PERCC1: variants seen among roughly 807,000 people sequenced by gnomAD.
The protein encoded by PERCC1 is protein PERCC1.
In PERCC1 at chr16:1,433,352, C is replaced by G. The variant is rs377221430; in HGVS notation, c.759C>G (p.Gly253=). ...CCGAGGCCTGTCCTGAGCTGCCCGG[C>G]AGGGGAACCCCAGCCCTGGAAGGGG... ...WSTEACPELP[G]RGTPALEGAR... The change falls in exon 2 of 2, where the codon GGC becomes GGG. Residue 253 remains glycine (G), a synonymous_variant. Coordinates refer to ENST00000640283, the MANE Select transcript of PERCC1 (RefSeq NM_001365310.2). 2.5e-6 allele frequency: 1 copy of G among 398,556 alleles called. No homozygotes were observed. The highest frequency in any genetic ancestry group is 4.4e-6 in the Non-Finnish European group (1 of 226,000). 24.7% of individuals were successfully genotyped at this position (398,556 alleles called of 1,614,324 possible).
At position 1,433,287 on chromosome 16, in the gene PERCC1, G is replaced by C. The variant is rs2142348236; in HGVS notation, c.694G>C (p.Gly232Arg). ...TAGCCCCCTGGGCCTGCTGCACCCT[G>C]GCACGCCGGACTTCAGCGACCTGCT... ...TPSPLGLLHP[G>R]TPDFSDLLAS... is the part of the protein sequence containing the mutation. Residue 232 changes from glycine (G) to arginine (R), a missense_variant, in exon 2 of 2, where the codon GGC becomes CGC. By Grantham distance (125) the Gly-to-Arg change is moderately radical (BLOSUM62 -2). Transcript: ENST00000640283. 1 of 398,982 alleles carries C rather than the reference G, an allele frequency of 2.5e-6. No individual in the cohort carries two copies. The highest frequency in any genetic ancestry group is 3.6e-5 in the East Asian group (1 of 28,098). 24.7% of individuals were successfully genotyped at this position (398,982 alleles called of 1,614,324 possible).
intron 1 of PERCC1, 52 bp from the exon 2 acceptor site, chr16:1,432,494 CG>C (rs2038457014): frequency 2.5e-6 from 1 of 398,284 alleles, no homozygotes; most frequent in African/African-American, 2.1e-5. Flanking sequence ...TCGAGGGCGG[CG>C]GGGGCATGGC....
At position 1,433,958 on chromosome 16, in the gene PERCC1, G is replaced by T. The variant is rs1375381392; in HGVS notation, c.*561G>T. Among the ~76,000 whole-genome samples, 1 of 152,206 alleles carries T rather than the reference G, an allele frequency of 6.6e-6. No individual in the cohort carries two copies. The highest frequency in any genetic ancestry group is 1.5e-5 in the Non-Finnish European group (1 of 68,012). ...GCAAACAAGGGCCGTCTCCTCCCCA[G>T]ATGCCGGAAGGCTCTTCCACTGCAG... On this transcript the variant is annotated 3_prime_UTR_variant, in exon 2 of 2. Coordinates refer to ENST00000640283, the MANE Select transcript of PERCC1 (RefSeq NM_001365310.2).
At position 1,433,334 on chromosome 16, in the gene PERCC1, C is replaced by T. The variant is rs1172426175; in HGVS notation, c.741C>T (p.Ala247=). 5.0e-6 allele frequency: 2 copies of T among 398,322 alleles called. No individual in the cohort carries two copies. Among genetic ancestry groups the T allele is most frequent in the Admixed American group, 4.4e-5 (1 of 22,714 alleles). The allele number at this position is 398,322 out of a possible 1,614,324, so 24.7% of individuals were successfully genotyped here. ...SDLLASWSTE[A]CPELPGRGTP... ...TGCTGGCCAGCTGGTCAACCGAGGC[C>T]TGTCCTGAGCTGCCCGGCAGGGGAA... Residue 247 remains alanine, a synonymous_variant, in exon 2 of 2, where the codon GCC becomes GCT. Transcript: ENST00000640283.
chr16:1,432,590 G>C lies in PERCC1; in HGVS notation c.-4G>C, dbSNP rs78496303. The stretch of plus-strand genomic sequence containing the variant: ...GAGGCCCCAGAAGCGTGGGACGCGC[G>C]GAGATGGCCGCCGGTGTGATCCGGC... On this transcript the variant is annotated 5_prime_UTR_variant, in exon 2 of 2. Transcript: ENST00000640283. The C allele has an allele frequency of 2.5e-6, 1 of 398,860 alleles. No homozygotes were observed. Among genetic ancestry groups the C allele is most frequent in the Non-Finnish European group, 4.4e-6 (1 of 226,212 alleles). The allele number at this position is 398,860 out of a possible 1,614,324, so 24.7% of individuals were successfully genotyped here. A position where few individuals can be genotyped will look rare whatever the true frequency, so the allele number is the denominator to read the frequency against.
In PERCC1 at chr16:1,432,578, C is replaced by G; in HGVS notation, c.-16C>G. ...CCTGCTGCCCCGGAGGCCCCAGAAG[C>G]GTGGGACGCGCGGAGATGGCCGCCG... is the stretch of plus-strand genomic sequence containing the variant. On this transcript the variant is annotated 5_prime_UTR_variant, in exon 2 of 2. Transcript: ENST00000640283. 5 of 398,898 alleles carry G rather than the reference C, an allele frequency of 1.3e-5. No individual in the cohort carries two copies. The highest frequency in any genetic ancestry group is 4.4e-5 in the Admixed American group (1 of 22,744). 24.7% of individuals were successfully genotyped at this position (398,898 alleles called of 1,614,324 possible).
Position 1,432,945 on chromosome 16 carries a change from G to A in PERCC1, c.352G>A (p.Asp118Asn), listed in dbSNP as rs180836504. The change falls in exon 2 of 2, where the codon GAC becomes AAC. Residue 118 changes from aspartate (D) to asparagine (N), a missense_variant. Asp to Asn is a conservative substitution (Grantham distance 23). Coordinates refer to ENST00000640283, the MANE Select transcript of PERCC1 (RefSeq NM_001365310.2). ...QDPDACDVYA[D>N]SRPPRSTARE... is the part of the protein sequence containing the mutation. ...CCCAGATGCCTGCGACGTCTACGCC[G>A]ACAGCCGCCCACCCCGCAGCACTGC... is the stretch of plus-strand genomic sequence containing the variant. The A allele has an allele frequency of 2.5e-5, 10 of 398,814 alleles. No homozygotes were observed. The highest frequency in any genetic ancestry group is 1.2e-4 in the African/African-American group (6 of 48,628). The allele number at this position is 398,814 out of a possible 1,614,324, so 24.7% of individuals were successfully genotyped here.
Position 1,433,500 on chromosome 16 carries a change from C to A in PERCC1, c.*103C>A, listed in dbSNP as rs1017719078. ...GAAGAGCCTCCTCCGTCCCTCGCGG[C>A]CACCACAGGGCAAACCCAGAGGTCA... On this transcript the variant is annotated 3_prime_UTR_variant, in exon 2 of 2. Transcript: ENST00000640283. 1.3e-5 allele frequency: 5 copies of A among 397,968 alleles called. No individual in the cohort carries two copies. The highest frequency in any genetic ancestry group is 2.2e-5 in the Non-Finnish European group (5 of 226,260). 24.7% of individuals were successfully genotyped at this position (397,968 alleles called of 1,614,324 possible).
Position 1,432,926 on chromosome 16 carries a change from T to C in PERCC1, c.333T>C (p.Asp111=), listed in dbSNP as rs991423767. Reference sequence around the variant, plus strand: ...GCAAGGATAAGGGGCAGGACCCAGATGCCTGCGACGTCTACGCCGACAGCC... The same window carrying C: ...GCAAGGATAAGGGGCAGGACCCAGACGCCTGCGACGTCTACGCCGACAGCC... ...FGRKDKGQDP[D]ACDVYADSRP... The change falls in exon 2 of 2, where the codon GAT becomes GAC. Residue 111 remains aspartate, a synonymous_variant. Coordinates refer to ENST00000640283, the MANE Select transcript of PERCC1 (RefSeq NM_001365310.2). 2 of 398,788 alleles carry C rather than the reference T, an allele frequency of 5.0e-6. No individual in the cohort carries two copies. Among genetic ancestry groups the C allele is most frequent in the African/African-American group, 4.1e-5 (2 of 48,636 alleles). 24.7% of individuals were successfully genotyped at this position (398,788 alleles called of 1,614,324 possible).
In PERCC1 at chr16:1,434,039, C is replaced by CT. The variant is rs1201746546; in HGVS notation, c.*644dup. 7.9e-6 allele frequency among the ~76,000 whole-genome samples: 1 copy of CT among 127,366 alleles called. No homozygotes were observed. Among genetic ancestry groups the CT allele is most frequent in the African/African-American group, 3.3e-5 (1 of 30,612 alleles). 83.6% of individuals were successfully genotyped at this position (127,366 alleles called of 152,430 possible). A position where few individuals can be genotyped will look rare whatever the true frequency, so the allele number is the denominator to read the frequency against. On this transcript the variant is annotated 3_prime_UTR_variant, in exon 2 of 2. Coordinates refer to ENST00000640283, the MANE Select transcript of PERCC1 (RefSeq NM_001365310.2). Reference sequence around the variant, plus strand: ...AGCCAGGGAGCCCGAGTCCAGGGGGCTTCCCCGGGTCCTCCTCACAACCCG... The same window carrying CT: ...AGCCAGGGAGCCCGAGTCCAGGGGGCTTTCCCCGGGTCCTCCTCACAACCCG...
Position 1,433,923 on chromosome 16 carries a change from G to A in PERCC1, c.*526G>A, listed in dbSNP as rs923663538. On this transcript the variant is annotated 3_prime_UTR_variant, in exon 2 of 2. Transcript: ENST00000640283. ...AGGCAGGAAGAGGGGCCCACTGCCCGACCGAGAGAGCAAACAAGGGCCGTC... is the reference window on the plus strand; with the variant it reads ...AGGCAGGAAGAGGGGCCCACTGCCCAACCGAGAGAGCAAACAAGGGCCGTC... Among the ~76,000 whole-genome samples the A allele has an allele frequency of 3.3e-5, 5 of 152,210 alleles. No individual in the cohort carries two copies. Among genetic ancestry groups the A allele is most frequent in the Non-Finnish European group, 5.9e-5 (4 of 68,030 alleles).
Position 1,433,350 on chromosome 16 carries a change from G to A in PERCC1, c.757G>A (p.Gly253Ser), listed in dbSNP as rs895008923. Residue 253 changes from glycine (G) to serine (S), a missense_variant, in exon 2 of 2, where the codon GGC becomes AGC. Gly to Ser is a moderately conservative substitution (Grantham distance 56). Coordinates refer to ENST00000640283, the MANE Select transcript of PERCC1 (RefSeq NM_001365310.2). The part of the protein sequence containing the change: ...WSTEACPELP[G>S]RGTPALEGAR... Reference sequence around the variant, plus strand: ...AACCGAGGCCTGTCCTGAGCTGCCCGGCAGGGGAACCCCAGCCCTGGAAGG... The same window carrying A: ...AACCGAGGCCTGTCCTGAGCTGCCCAGCAGGGGAACCCCAGCCCTGGAAGG... 2.3e-5 allele frequency: 9 copies of A among 398,398 alleles called. No individual in the cohort carries two copies. Among genetic ancestry groups the A allele is most frequent in the African/African-American group, 1.0e-4 (5 of 48,552 alleles). 24.7% of individuals were successfully genotyped at this position (398,398 alleles called of 1,614,324 possible).
At chr16:1,431,241 AG>A (rs1416040751) in intron 1 of PERCC1, 133 bp downstream of exon 1, 1 of 152,266 alleles carries the variant, frequency 6.6e-6, no homozygotes, top group East Asian at 1.9e-4. Flanking sequence ...ACCACTGGGC[AG>A]GCCCAGGACT....
In PERCC1 at chr16:1,433,304, C is replaced by A. The variant is rs1276320405; in HGVS notation, c.711C>A (p.Ser237Arg). Residue 237 changes from serine to arginine, a missense_variant, in exon 2 of 2, where the codon AGC (serine) becomes AGA (arginine). Coordinates refer to ENST00000640283, the MANE Select transcript of PERCC1 (RefSeq NM_001365310.2). Reference protein sequence around the residue: ...GLLHPGTPDFSDLLASWSTEA... With the variant: ...GLLHPGTPDFRDLLASWSTEA... ...TGCACCCTGGCACGCCGGACTTCAG[C>A]GACCTGCTGGCCAGCTGGTCAACCG... 7.5e-6 allele frequency: 3 copies of A among 398,786 alleles called. No homozygotes were observed. Among genetic ancestry groups the A allele is most frequent in the African/African-American group, 2.1e-5 (1 of 48,640 alleles). The allele number at this position is 398,786 out of a possible 1,614,324, so 24.7% of individuals were successfully genotyped here.
Position 1,433,349 on chromosome 16 carries a change from C to T in PERCC1, c.756C>T (p.Pro252=), listed in dbSNP as rs753271074. The change falls in exon 2 of 2, where the codon CCC becomes CCT. Residue 252 remains proline, a synonymous_variant. Transcript: ENST00000640283. ...SWSTEACPEL[P]GRGTPALEGA... The stretch of plus-strand genomic sequence containing the variant: ...CAACCGAGGCCTGTCCTGAGCTGCC[C>T]GGCAGGGGAACCCCAGCCCTGGAAG... 5.8e-5 allele frequency: 23 copies of T among 398,462 alleles called. No homozygotes were observed. The highest frequency in any genetic ancestry group is 1.0e-4 in the African/African-American group (5 of 48,618). 24.7% of individuals were successfully genotyped at this position (398,462 alleles called of 1,614,324 possible).
Position 1,432,724 on chromosome 16 carries a change from AGG to A in PERCC1, c.132_133del (p.Glu45GlyfsTer61). On this transcript the variant is annotated frameshift_variant, in exon 2 of 2. Transcript: ENST00000640283. LOFTEE classifies it low-confidence loss of function (END_TRUNC). ...GAAGAGGAGGAGGAGGAGGAGGAGG[AGG>A]AGGAGGAGGGCGAGGGCGAGGGGCT... 2 of 397,456 alleles carry A rather than the reference AGG, an allele frequency of 5.0e-6. No individual in the cohort carries two copies. Among genetic ancestry groups the A allele is most frequent in the Non-Finnish European group, 8.9e-6 (2 of 225,778 alleles). 24.6% of individuals were successfully genotyped at this position (397,456 alleles called of 1,614,324 possible).
Position 1,433,250 on chromosome 16 carries a change from G to A in PERCC1, c.657G>A (p.Lys219=). The A allele has an allele frequency of 2.5e-6, 1 of 398,764 alleles. No individual in the cohort carries two copies. Among genetic ancestry groups the A allele is most frequent in the Non-Finnish European group, 4.4e-6 (1 of 226,094 alleles). 24.7% of individuals were successfully genotyped at this position (398,764 alleles called of 1,614,324 possible). The change falls in exon 2 of 2, where the codon AAG becomes AAA. Residue 219 remains lysine, a synonymous_variant. Transcript: ENST00000640283. ...GGAAGCTGCCCCCATCCTTCTGGAA[G>A]GAGCCGACCCCTAGCCCCCTGGGCC... ...AQRKLPPSFW[K]EPTPSPLGLL...
rs534781513 is a variant in PERCC1, at chr16:1,433,380, C to A, written c.787C>A (p.Arg263=). 7.5e-6 allele frequency: 3 copies of A among 398,618 alleles called. No individual in the cohort carries two copies. The highest frequency in any genetic ancestry group is 4.4e-5 in the Admixed American group (1 of 22,740). The allele number at this position is 398,618 out of a possible 1,614,324, so 24.7% of individuals were successfully genotyped here. A position where few individuals can be genotyped will look rare whatever the true frequency, so the allele number is the denominator to read the frequency against. ...GRGTPALEGA[R]PAEA is the part of the protein sequence containing the mutation. Reference sequence around the variant, plus strand: ...GGGAACCCCAGCCCTGGAAGGGGCACGGCCAGCCGAGGCCTAGCGAAGCGC... The same window carrying A: ...GGGAACCCCAGCCCTGGAAGGGGCAAGGCCAGCCGAGGCCTAGCGAAGCGC... Residue 263 remains arginine, a synonymous_variant, in exon 2 of 2, where the codon CGG becomes AGG. Coordinates refer to ENST00000640283, the MANE Select transcript of PERCC1 (RefSeq NM_001365310.2).
At position 1,432,691 on chromosome 16, in the gene PERCC1, C is replaced by T. The variant is rs761771552; in HGVS notation, c.98C>T (p.Ser33Leu). 8.3e-5 allele frequency: 33 copies of T among 396,258 alleles called. No individual in the cohort carries two copies. The highest frequency in any genetic ancestry group is 8.8e-5 in the Non-Finnish European group (20 of 226,324). The allele number at this position is 396,258 out of a possible 1,614,324, so 24.5% of individuals were successfully genotyped here. A position where few individuals can be genotyped will look rare whatever the true frequency, so the allele number is the denominator to read the frequency against. Residue 33 changes from serine (S) to leucine (L), a missense_variant, in exon 2 of 2, where the codon TCG becomes TTG. Ser to Leu is a moderately radical substitution (Grantham distance 145, BLOSUM62 -2). Transcript: ENST00000640283. ...LPSDPEPPET[S>L]EEEEEEEEEE... ...TCAGATCCGGAGCCCCCAGAGACTT[C>T]GGAGGAGGAAGAGGAGGAGGAGGAG...
Sources: gnomAD v4.1 joint callset for allele counts (sites outside exome capture counted in the v4.1 genomes callset) on GRCh38, gnomAD v4.1.1 for gene constraint, MANE v1.5 for transcripts, NCBI Gene and HGNC (gene_info 2026-07-23, HGNC 2026-07-21) for gene names.